CSNK1D: variants seen among roughly 807,000 people sequenced by gnomAD.
The protein encoded by CSNK1D is casein kinase I isoform delta.
In CSNK1D, 16 loss-of-function variants were observed where a neutral mutation model predicts 46.6. The ratio of observed to expected loss-of-function variants is 0.34; its 90% CI spans 0.23 to 0.52. The LOEUF (loss-of-function observed/expected upper bound fraction) is 0.52. CSNK1D is among the 20% of genes least tolerant of loss of function. The pLI is 0.95. For synonymous variants in CSNK1D, 276 were observed against 228.2 expected (o/e 1.21, Z -1.89); for missense variants, 398 against 578.4 (o/e 0.69, Z 3.20).
chr17:82,260,038 GATGTGACTGATGGTGTACTGAC>G (rs2051285451), intron 2 of CSNK1D, among the ~76,000 whole-genome samples: 1 of 133,222 alleles, frequency 7.5e-6, no homozygotes, highest in African/African-American at 4.1e-5. Context: ...TGTACTGACT[GATGTGACTGATGGTGTACTGAC>G]TGATGTGACT....
intron 2 of CSNK1D, among the ~76,000 whole-genome samples, chr17:82,262,350 C>T (rs2051361263): frequency 6.6e-6 from 1 of 152,244 alleles, no homozygotes; most frequent in Non-Finnish European, 1.5e-5. Flanking sequence ...AACCCAGTTT[C>T]CTCATTTGCA....
Position 82,265,782 on chromosome 17 carries a change from C to T in CSNK1D, c.91G>A (p.Ala31Thr). Reference protein sequence around the residue: ...GDIYLGTDIAAGEEVAIKLEC... With the variant: ...GDIYLGTDIATGEEVAIKLEC... The stretch of plus-strand genomic sequence containing the variant: ...AGCTTGATGGCAACCTCTTCTCCTG[C>T]AGCAATGTCCGTACCTTGGCAAAGA... The change falls in exon 2 of 9, where the codon GCA becomes ACA. Residue 31 changes from alanine to threonine, a missense_variant. By Grantham distance (58) the Ala-to-Thr change is moderately conservative. Coordinates refer to ENST00000314028, the MANE Select transcript of CSNK1D (RefSeq NM_001893.6). 2 of 1,613,992 alleles carry T rather than the reference C, an allele frequency of 1.2e-6. No individual in the cohort carries two copies. Among genetic ancestry groups the T allele is most frequent in the South Asian group, 1.1e-5 (1 of 91,080 alleles).
chr17:82,247,228 G>A, intron 8 of CSNK1D: 1 of 985,440 alleles, frequency 1.0e-6, no homozygotes, highest in Non-Finnish European at 1.2e-6. Flanking sequence ...GAGGGCCTAA[G>A]AGCCAGCTGC....
chr17:82,254,030 C>T (rs1401767832), intron 3 of CSNK1D: 4 of 183,722 alleles, frequency 2.2e-5, no homozygotes, highest in East Asian at 2.5e-4. Context: ...GCTGAGCCGC[C>T]GGAGCCTCGA....
At chr17:82,258,811 A>AC (rs1360233689) in intron 2 of CSNK1D, among the ~76,000 whole-genome samples, 6 of 152,050 alleles carry the variant, frequency 3.9e-5, no homozygotes, top group Admixed American at 1.3e-4. Context: ...ATACTTAGAA[A>AC]CCCCTGAGGC....
At position 82,255,920 on chromosome 17, in the gene CSNK1D, C is replaced by A. The variant is rs904793971; in HGVS notation, c.188-343G>T. Among the ~76,000 whole-genome samples, 5 of 152,292 alleles carry A rather than the reference C, an allele frequency of 3.3e-5. No homozygotes were observed. The highest frequency in any genetic ancestry group is 5.9e-5 in the Non-Finnish European group (4 of 68,038). On this transcript the variant is annotated intron_variant, in intron 2 of 8. Transcript: ENST00000314028. This position sits in a 1 kb window ranked among gnomAD's most constrained non-coding sequence, Gnocchi z 5.9. ...CCACGATGTGGGAAAGAAAAGAGCTCAGGCATAAAGGAGCAGCAGAGCCCG... is the reference window on the plus strand; with the variant it reads ...CCACGATGTGGGAAAGAAAAGAGCTAAGGCATAAAGGAGCAGCAGAGCCCG...
Position 82,244,386 on chromosome 17 carries a change from A to G in CSNK1D, c.*395T>C. The G allele has an allele frequency of 1.7e-6, 2 of 1,147,400 alleles. No individual in the cohort carries two copies. Among genetic ancestry groups the G allele is most frequent in the South Asian group, 2.1e-5 (1 of 46,728 alleles). 71.1% of individuals were successfully genotyped at this position (1,147,400 alleles called of 1,614,324 possible). ...ATTTTCTTTACACAGATTTAAGCCA[A>G]TAATTTTTAGCAAAATGATACAAAA... On this transcript the variant is annotated 3_prime_UTR_variant, in exon 9 of 9. Transcript: ENST00000314028.
Position 82,255,665 on chromosome 17 carries a change from G to A in CSNK1D, c.188-88C>T. 6.5e-7 allele frequency: 1 copy of A among 1,532,988 alleles called. No individual in the cohort carries two copies. The highest frequency in any genetic ancestry group is 9.0e-7 in the Non-Finnish European group (1 of 1,108,720). The allele number at this position is 1,532,988 out of a possible 1,614,324, so 95.0% of individuals were successfully genotyped here. On this transcript the variant is annotated intron_variant, in intron 2 of 8. Coordinates refer to ENST00000314028, the MANE Select transcript of CSNK1D (RefSeq NM_001893.6). This position sits in a 1 kb window ranked among gnomAD's most constrained non-coding sequence, Gnocchi z 5.9. ...TGCACTGTGCACACCAAGGGGTCAT[G>A]GTGACAATCCTGAACGGGGGAGGGG...
At chr17:82,242,584 G>A, downstream of CSNK1D, 6 of 926,238 alleles carry the variant, frequency 6.5e-6, no homozygotes, top group Non-Finnish European at 7.7e-6. Flanking sequence ...CCATCTCAAA[G>A]AAGTATTTTC....
rs1227880666 is a variant in CSNK1D, at chr17:82,249,485, G to A, written c.1003C>T (p.Arg335Trp). 18 of 1,542,446 alleles carry A rather than the reference G, an allele frequency of 1.2e-5. No individual in the cohort carries two copies. The highest frequency in any genetic ancestry group is 6.8e-5 in the African/African-American group (5 of 73,004). Residue 335 changes from arginine to tryptophan, a missense_variant, in exon 7 of 9, where the codon CGG (arginine) becomes TGG (tryptophan). By Grantham distance (101) the Arg-to-Trp change is moderately radical. Coordinates refer to ENST00000314028, the MANE Select transcript of CSNK1D (RefSeq NM_001893.6). The surrounding 1 kb of genome is among the most constrained non-coding windows in gnomAD (Gnocchi z 6.7). ...GGGGGAGCCACTTCCTGCGTCCCCC[G>A]CAGGCGGCCGGAGGCTGTGGAAGGG... Reference protein sequence around the residue: ...GLPSTASGRLRGTQEVAPPTP... With the variant: ...GLPSTASGRLWGTQEVAPPTP...
In CSNK1D at chr17:82,257,183, T is replaced by G. The variant is rs374848146; in HGVS notation, c.188-1606A>C. ...GAAGGCATGTATTTTTTTTTTTGGC[T>G]AAGTTTTTCTATCATGGTATCTTTT... On this transcript the variant is annotated intron_variant, in intron 2 of 8. Coordinates refer to ENST00000314028, the MANE Select transcript of CSNK1D (RefSeq NM_001893.6). 2.0e-5 allele frequency among the ~76,000 whole-genome samples: 3 copies of G among 152,064 alleles called. No homozygotes were observed. In the East Asian group the frequency reaches 5.8e-4, roughly 29 times the overall value.
rs1040604198 is a variant in CSNK1D, at chr17:82,244,336, C to G, written c.*445G>C. 1 of 1,098,940 alleles carries G rather than the reference C, an allele frequency of 9.1e-7. No individual in the cohort carries two copies. Among genetic ancestry groups the G allele is most frequent in the Non-Finnish European group, 1.1e-6 (1 of 895,050 alleles). 68.1% of individuals were successfully genotyped at this position (1,098,940 alleles called of 1,614,324 possible). ...CATTTTTTTTGTAAGACTGCAAAAA[C>G]AGACAAGAAACAATAAAAAGACAGA... On this transcript the variant is annotated 3_prime_UTR_variant, in exon 9 of 9. Transcript: ENST00000314028.
At position 82,255,721 on chromosome 17, in the gene CSNK1D, C is replaced by T; in HGVS notation, c.188-144G>A. Reference sequence around the variant, plus strand: ...GAGGTAGAAGACCCCGGCAACGCCGCTCCTCAGGGACCCATCCTCGAGATT... The same window carrying T: ...GAGGTAGAAGACCCCGGCAACGCCGTTCCTCAGGGACCCATCCTCGAGATT... On this transcript the variant is annotated intron_variant, in intron 2 of 8. Coordinates refer to ENST00000314028, the MANE Select transcript of CSNK1D (RefSeq NM_001893.6). The surrounding 1 kb of genome is among the most constrained non-coding windows in gnomAD (Gnocchi z 5.9). 9.9e-7 allele frequency: 1 copy of T among 1,006,354 alleles called. No individual in the cohort carries two copies. The highest frequency in any genetic ancestry group is 1.5e-6 in the Non-Finnish European group (1 of 649,274). 62.3% of individuals were successfully genotyped at this position (1,006,354 alleles called of 1,614,324 possible). A position where few individuals can be genotyped will look rare whatever the true frequency, so the allele number is the denominator to read the frequency against.
At position 82,242,929 on chromosome 17, in the gene CSNK1D, G is replaced by A. The variant is rs778626796; in HGVS notation, c.*1852C>T. 1.5e-5 allele frequency: 15 copies of A among 985,318 alleles called. No individual in the cohort carries two copies. Among genetic ancestry groups the A allele is most frequent in the Non-Finnish European group, 1.8e-5 (15 of 829,936 alleles). 61.0% of individuals were successfully genotyped at this position (985,318 alleles called of 1,614,324 possible). On this transcript the variant is annotated 3_prime_UTR_variant, in exon 9 of 9. Coordinates refer to ENST00000314028, the MANE Select transcript of CSNK1D (RefSeq NM_001893.6). Reference sequence around the variant, plus strand: ...ACAAACGTTCTGGGCACTACATCGGGACCACAGATATTTACAAAGCAAGCT... The same window carrying A: ...ACAAACGTTCTGGGCACTACATCGGAACCACAGATATTTACAAAGCAAGCT...
At chr17:82,246,901 C>G in intron 8 of CSNK1D, 1 of 985,716 alleles carries the variant, frequency 1.0e-6, no homozygotes, top group South Asian at 4.7e-5. Flanking sequence ...GTGAGGCGCT[C>G]AGAGCAATTG....
At chr17:82,246,101 G>C in intron 8 of CSNK1D, 1 of 1,565,068 alleles carries the variant, frequency 6.4e-7, no homozygotes, top group East Asian at 2.4e-5. Flanking sequence ...TACCTGTGTC[G>C]GCTCCATGTC....
In CSNK1D at chr17:82,250,075, C is replaced by T; in HGVS notation, c.886-473G>A. ...GTCCGGACCCTGCAGCCTCCAACAG[C>T]CTGTGCAGGTGTGGTGGCGTGGCCA... On this transcript the variant is annotated intron_variant, in intron 6 of 8. Coordinates refer to ENST00000314028, the MANE Select transcript of CSNK1D (RefSeq NM_001893.6). The surrounding 1 kb of genome is among the most constrained non-coding windows in gnomAD (Gnocchi z 4.6). 7.8e-7 allele frequency: 1 copy of T among 1,287,680 alleles called. No individual in the cohort carries two copies. Among genetic ancestry groups the T allele is most frequent in the Non-Finnish European group, 1.0e-6 (1 of 987,810 alleles). 79.8% of individuals were successfully genotyped at this position (1,287,680 alleles called of 1,614,324 possible). A position where few individuals can be genotyped will look rare whatever the true frequency, so the allele number is the denominator to read the frequency against.
Position 82,248,195 on chromosome 17 carries a change from G to A in CSNK1D, c.1197+680C>T. On this transcript the variant is annotated intron_variant, in intron 8 of 8. Coordinates refer to ENST00000314028, the MANE Select transcript of CSNK1D (RefSeq NM_001893.6). This position sits in a 1 kb window ranked among gnomAD's most constrained non-coding sequence, Gnocchi z 4.1. ...CGAACAACCCAGAAAACTATTTGAA[G>A]AAATATAATGGATCCATATGGAGAA... The A allele has an allele frequency of 1.0e-6, 1 of 985,524 alleles. No individual in the cohort carries two copies. Among genetic ancestry groups the A allele is most frequent in the Non-Finnish European group, 1.2e-6 (1 of 829,986 alleles). 61.0% of individuals were successfully genotyped at this position (985,524 alleles called of 1,614,324 possible).
At chr17:82,260,070 T>C (rs1019710932) in intron 2 of CSNK1D, among the ~76,000 whole-genome samples, 1 of 142,186 alleles carries the variant, frequency 7.0e-6, no homozygotes, top group Non-Finnish European at 1.5e-5. Flanking sequence ...CTGATGTGAC[T>C]GATGGTGTAC....
Sources: gnomAD v4.1 joint callset for allele counts (sites outside exome capture counted in the v4.1 genomes callset) on GRCh38, gnomAD v4.1.1 for gene constraint, Gnocchi (gnomAD v3.1) non-coding constraint, MANE v1.5 for transcripts, NCBI Gene and HGNC (gene_info 2026-07-23, HGNC 2026-07-21) for gene names.